The following MS4A13 variants were observed in gnomAD, a reference collection of about 807,000 sequenced individuals.
The protein encoded by MS4A13 is membrane spanning 4-domains A13.
Under a neutral mutation model 18.4 loss-of-function variants are expected in MS4A13, and 21 were observed. That is an observed-to-expected ratio of 1.14 (90% CI 0.81 to 1.64). The LOEUF is 1.64. Ranked by LOEUF, MS4A13 falls within the 40% of genes most tolerant of loss-of-function variation. The probability of loss-of-function intolerance (pLI) is 0.00; values close to 1 mark genes in which losing one functional copy is unlikely to be tolerated. For missense variants in MS4A13, 173 were observed against 176.8 expected, an observed-to-expected ratio of 0.98 and a Z score of 0.12; for synonymous variants, 62 against 57.2, an observed-to-expected ratio of 1.08 and a Z score of -0.38.
Position 60,527,392 on chromosome 11 carries a change from C to CTGTGTG in MS4A13, c.307-1972_307-1971insGTGTGT, listed in dbSNP as rs2086723454. ...TCTCTCTCTCTCTCTCTCTCTCTCT[C>CTGTGTG]TCTCTCTCTCTCTCTCTCTGTGTGT... is the stretch of plus-strand genomic sequence containing the variant. On this transcript the variant is annotated intron_variant, in intron 5 of 6. Coordinates refer to ENST00000378186, the MANE Select transcript of MS4A13 (RefSeq NM_001012417.3). Among the ~76,000 whole-genome samples, 69 of 122,146 alleles carry CTGTGTG rather than the reference C, an allele frequency of 5.6e-4. 1 individual carries two copies. Among genetic ancestry groups the CTGTGTG allele is most frequent in the African/African-American group, 2.3e-3 (61 of 26,076 alleles). The allele number at this position is 122,146 out of a possible 152,430, so 80.1% of individuals were successfully genotyped here.
At chr11:60,527,489 T>G (rs182168494) in intron 5 of MS4A13, among the ~76,000 whole-genome samples, 1 of 149,792 alleles carries the variant, frequency 6.7e-6, no homozygotes, top group East Asian at 2.0e-4. Flanking sequence ...CTGGCCAACC[T>G]TTTGCCGCTT....
At chr11:60,529,060 T>C (rs1265833261) in intron 5 of MS4A13, among the ~76,000 whole-genome samples, 2 of 152,138 alleles carry the variant, frequency 1.3e-5, no homozygotes, top group Non-Finnish European at 2.9e-5. Context: ...AGAGTTTAGA[T>C]AGTGAGCTGT....
intron 3 of MS4A13, among the ~76,000 whole-genome samples, chr11:60,522,899 A>G (rs941462969): frequency 2.6e-5 from 4 of 152,222 alleles, no homozygotes; most frequent in Non-Finnish European, 4.4e-5. Flanking sequence ...ATAGTATATT[A>G]AACTCCTAGG....
chr11:60,541,573 T>C (rs958084681), intron 6 of MS4A13, among the ~76,000 whole-genome samples: 3 of 152,140 alleles, frequency 2.0e-5, no homozygotes, highest in African/African-American at 4.8e-5. Context: ...AGCTAACCTA[T>C]AGTGTTTAGG....
Position 60,525,240 on chromosome 11 carries a change from A to G in MS4A13, c.220A>G (p.Ile74Val). ...TACTTTAATCATAAACATCATCTGC[A>G]TAATTACTACAATTACTGCAGTAAC... Reference protein sequence around the residue: ...ISTLIINIICIITTITAVTLT... With the variant: ...ISTLIINIICVITTITAVTLT... Residue 74 changes from isoleucine to valine, a missense_variant, in exon 5 of 7, where the codon ATA (isoleucine) becomes GTA (valine). Ile to Val is a conservative substitution (Grantham distance 29). Coordinates refer to ENST00000378186, the MANE Select transcript of MS4A13 (RefSeq NM_001012417.3). The G allele has an allele frequency of 6.4e-7, 1 of 1,572,672 alleles. No individual in the cohort carries two copies. Among genetic ancestry groups the G allele is most frequent in the Non-Finnish European group, 8.7e-7 (1 of 1,144,242 alleles).
intron 5 of MS4A13, among the ~76,000 whole-genome samples, chr11:60,526,499 C>T (rs1425361297): frequency 6.6e-6 from 1 of 152,182 alleles, no homozygotes; most frequent in East Asian, 1.9e-4. Flanking sequence ...CTGTATTTAT[C>T]TGATCTGAAC....
At position 60,518,093 on chromosome 11, in the gene MS4A13, A is replaced by G. The variant is rs563052916; in HGVS notation, c.10A>G (p.Ile4Val). 1 of 1,599,438 alleles carries G rather than the reference A, an allele frequency of 6.3e-7. No homozygotes were observed. The highest frequency in any genetic ancestry group is 1.1e-5 in the South Asian group (1 of 89,412). The change falls in exon 3 of 7, where the codon ATC becomes GTC. Residue 4 changes from isoleucine (I) to valine (V), a missense_variant. Coordinates refer to ENST00000378186, the MANE Select transcript of MS4A13 (RefSeq NM_001012417.3). ...ACAGACTATCCAGATTATGATTGGC[A>G]TCTTTCACATTTTCATGTGGTACTT... Reference protein sequence around the residue: MIGIFHIFMWYFLL... With the variant: MIGVFHIFMWYFLL...
intron 6 of MS4A13, among the ~76,000 whole-genome samples, chr11:60,541,712 A>G (rs1428086551): frequency 6.6e-6 from 1 of 152,204 alleles, no homozygotes; most frequent in African/African-American, 2.4e-5. Flanking sequence ...GCTGGCATCT[A>G]TTAAGATTTA....
rs376696041 is a variant in MS4A13 at position 60,528,417 on chromosome 11, C to T, written c.307-948C>T. On this transcript the variant is annotated intron_variant, in intron 5 of 6. Transcript: ENST00000378186. ...GAGTGAACCTCCTGTCCCTCCTGTC[C>T]CCTATAATGATTGAGCAAGTTTTTA... Among the ~76,000 whole-genome samples the T allele has an allele frequency of 8.5e-4, 129 of 152,228 alleles. 4 individuals carry two copies. In the South Asian group the frequency reaches 0.026, roughly 30 times the overall value.
intron 2 of MS4A13, among the ~76,000 whole-genome samples, chr11:60,516,812 C>G (rs2086640677): frequency 1.3e-5 from 2 of 152,132 alleles, no homozygotes; most frequent in African/African-American, 4.8e-5. Flanking sequence ...GGCTAATTAG[C>G]TATCTCATGG....
chr11:60,524,775 T>A (rs1043067678), intron 4 of MS4A13, among the ~76,000 whole-genome samples: 1 of 151,102 alleles, frequency 6.6e-6, no homozygotes, highest in African/African-American at 2.4e-5. Flanking sequence ...CCATTCTGCC[T>A]CAGCCTCCCA....
chr11:60,527,892 TCA>T (rs1484698192), intron 5 of MS4A13, among the ~76,000 whole-genome samples: 1 of 152,150 alleles, frequency 6.6e-6, no homozygotes, highest in African/African-American at 2.4e-5. Flanking sequence ...AAATGACTTT[TCA>T]CAGTCTTGTC....
At chr11:60,519,779 T>C (rs2086661526) in intron 3 of MS4A13, among the ~76,000 whole-genome samples, 1 of 152,272 alleles carries the variant, frequency 6.6e-6, no homozygotes. Flanking sequence ...GTGTTTGTAA[T>C]GGTTGGCCAT....
chr11:60,542,206 G>T (rs530028095), intron 6 of MS4A13, among the ~76,000 whole-genome samples: 29 of 119,280 alleles, frequency 2.4e-4, no homozygotes, highest in African/African-American at 7.8e-4. Flanking sequence ...AAGGGAGGAA[G>T]GGAGGAAGGA....
At chr11:60,529,731 A>G (rs1304867151) in intron 6 of MS4A13, among the ~76,000 whole-genome samples, 1 of 152,206 alleles carries the variant, frequency 6.6e-6, no homozygotes, top group Admixed American at 6.5e-5. Context: ...ATCCAATTCT[A>G]TACAAAAAAA....
chr11:60,518,348 A>T (rs867904579), intron 3 of MS4A13, 136 bp downstream of exon 3: 28 of 692,234 alleles, frequency 4.0e-5, no homozygotes, highest in Middle Eastern at 4.2e-4. Flanking sequence ...TAATTTATTC[A>T]AAGTCAGATT....
At position 60,532,874 on chromosome 11, in the gene MS4A13, G is replaced by A. The variant is rs1255773434; in HGVS notation, c.402+3414G>A. ...AGTGGGTCCCTGACCCCTGACCCCC[G>A]AGCAGCCTAACTGGGAGGCACCCCC... On this transcript the variant is annotated intron_variant, in intron 6 of 6. Transcript: ENST00000378186. Among the ~76,000 whole-genome samples, 11 of 64,972 alleles carry A rather than the reference G, an allele frequency of 1.7e-4. No homozygotes were observed. In the South Asian group the frequency reaches 1.9e-3, roughly 11 times the overall value. 42.6% of individuals were successfully genotyped at this position (64,972 alleles called of 152,430 possible). A position where few individuals can be genotyped will look rare whatever the true frequency, so the allele number is the denominator to read the frequency against.
chr11:60,538,620 T>C (rs1350525254), intron 6 of MS4A13, among the ~76,000 whole-genome samples: 1 of 151,966 alleles, frequency 6.6e-6, no homozygotes, highest in African/African-American at 2.4e-5. Context: ...ACAGAAATTT[T>C]TTTCCCTGAA....
At chr11:60,527,410 C>CTCTCTCTGTGTGTG (rs1555024373) in intron 5 of MS4A13, among the ~76,000 whole-genome samples, 2 of 28,804 alleles carry the variant, frequency 6.9e-5, no homozygotes, top group African/African-American at 3.2e-4. Flanking sequence ...CTCTCTCTCT[C>CTCTCTCTGTGTGTG]TGTGTGTGTG....
Sources: allele counts gnomAD v4.1 joint callset (sites outside exome capture counted in the v4.1 genomes callset), GRCh38; gene constraint gnomAD v4.1.1; transcripts MANE v1.5; gene names NCBI Gene and HGNC (gene_info 2026-07-23, HGNC 2026-07-21).